GPR26: variants seen among roughly 807,000 people sequenced by gnomAD.
GPR26 encodes G protein-coupled receptor 26.
In GPR26, 15 loss-of-function variants were observed where a neutral mutation model predicts 23.1. The observed-to-expected ratio is 0.65, with a 90% CI of 0.43 to 1.00. GPR26 has a LOEUF of 1.00. Among genes scored for constraint, GPR26 ranks in the 50% least tolerant of loss-of-function variants. The pLI, the probability that GPR26 is intolerant of heterozygous loss-of-function variation, is 0.00. For missense variants in GPR26, 359 were observed against 470.5 expected (o/e 0.76, Z 2.19); for synonymous variants, 228 against 222.1 (o/e 1.03, Z -0.24).
intron 1 of GPR26, among the ~76,000 whole-genome samples, chr10:123,667,465 T>A (rs1845200060): frequency 6.6e-6 from 1 of 152,144 alleles, no homozygotes; most frequent in South Asian, 2.1e-4. Flanking sequence ...GCGGCCTCGA[T>A]GCTTAGGGAG....
Position 123,696,128 on chromosome 10 carries a change from G to A in GPR26, c.*7968G>A, listed in dbSNP as rs1262497178. On this transcript the variant is annotated 3_prime_UTR_variant, in exon 3 of 3. Transcript: ENST00000284674. ...GTTTGGTGAGGAAGCTCCTAGGAAT[G>A]CATAGATCTCTCCTTCTGCCATAGT... Among the ~76,000 whole-genome samples, 1 of 152,182 alleles carries A rather than the reference G, an allele frequency of 6.6e-6. No homozygotes were observed. Among genetic ancestry groups the A allele is most frequent in the Non-Finnish European group, 1.5e-5 (1 of 68,030 alleles).
At chr10:123,676,935 C>T (rs546799954) in intron 2 of GPR26, among the ~76,000 whole-genome samples, 108 of 152,336 alleles carry the variant, frequency 7.1e-4, no homozygotes, top group Non-Finnish European at 1.4e-3. Context: ...CCCTCTGGCA[C>T]TTACAGCACC....
rs148082247 is a variant in GPR26, at chr10:123,671,918, C to G, written c.669-2900C>G. ...AGTTTTGCAAAGCTATGGAGGGGGA[C>G]AAAATGACAGCAAGTGCAAAGTGAT... On this transcript the variant is annotated intron_variant, in intron 1 of 2. Coordinates refer to ENST00000284674, the MANE Select transcript of GPR26 (RefSeq NM_153442.4). 9.7e-3 allele frequency among the ~76,000 whole-genome samples: 1,477 copies of G among 152,212 alleles called. 15 individuals carry two copies. The highest frequency in any genetic ancestry group is 0.031 in the Middle Eastern group (9 of 294).
In GPR26 at chr10:123,666,463, C is replaced by A; in HGVS notation, c.56C>A (p.Ser19Ter). The A allele has an allele frequency of 6.4e-7, 1 of 1,551,216 alleles. No homozygotes were observed. The highest frequency in any genetic ancestry group is 8.6e-7 in the Non-Finnish European group (1 of 1,156,310). ...CTACTGGTGGGCACGATGGGCGTCT[C>A]GCTGCTGTCCAACGCGCTGGTGCTG... ...AGLLVGTMGV[S>*]LLSNALVLLC... The change falls in exon 1 of 3, where the codon TCG (serine) becomes TAG (stop). Residue 19 changes from serine to a stop codon, truncating the protein, a stop_gained. Transcript: ENST00000284674. LOFTEE classifies it high-confidence loss of function.
intron 1 of GPR26, among the ~76,000 whole-genome samples, chr10:123,667,732 A>T (rs1845204466): frequency 1.3e-5 from 2 of 151,676 alleles, no homozygotes; most frequent in Non-Finnish European, 2.9e-5. Flanking sequence ...GCTCCTGCAG[A>T]AGGAGTGTGC....
chr10:123,687,758 A>G (rs1845444008), intron 2 of GPR26, among the ~76,000 whole-genome samples, 171 bp from the exon 3 acceptor site: 1 of 152,192 alleles, frequency 6.6e-6, no homozygotes, highest in Non-Finnish European at 1.5e-5. Flanking sequence ...AATGTTCACC[A>G]TCATCATCAT....
intron 2 of GPR26, among the ~76,000 whole-genome samples, chr10:123,682,034 G>A (rs1489845071): frequency 6.6e-6 from 1 of 152,172 alleles, no homozygotes; most frequent in East Asian, 1.9e-4. Flanking sequence ...TCAGCCTTTA[G>A]GCCATGCCAC....
chr10:123,686,409 C>T (rs1292694711), intron 2 of GPR26, among the ~76,000 whole-genome samples: 1 of 152,146 alleles, frequency 6.6e-6, no homozygotes, highest in African/African-American at 2.4e-5. Flanking sequence ...CATTCAGGCT[C>T]CCAAGCATAT....
At chr10:123,675,798 C>CTGTGTG (rs57869785) in intron 2 of GPR26, among the ~76,000 whole-genome samples, 49,166 of 142,564 alleles carry the variant, frequency 0.34, 9,201 homozygotes, top group African/African-American at 0.5. Flanking sequence ...GCAGGGTTTT[C>CTGTGTG]TGTGTGTGTG....
rs1845285277 is a variant in GPR26, at chr10:123,674,542, C to A, written c.669-276C>A. 1.3e-5 allele frequency among the ~76,000 whole-genome samples: 2 copies of A among 152,200 alleles called. No individual in the cohort carries two copies. The highest frequency in any genetic ancestry group is 2.9e-5 in the Non-Finnish European group (2 of 68,042). The stretch of plus-strand genomic sequence containing the variant: ...ATCTCTGTGCTTTATGCATTTAATT[C>A]TCAAAACAGCCTCTTGTAGCATTTT... On this transcript the variant is annotated intron_variant, in intron 1 of 2. Coordinates refer to ENST00000284674, the MANE Select transcript of GPR26 (RefSeq NM_153442.4). The surrounding 1 kb of genome is among the most constrained non-coding windows in gnomAD (Gnocchi z 4.1).
Position 123,667,089 on chromosome 10 carries a change from A to C in GPR26, c.668+14A>C, listed in dbSNP as rs1422456855. 1.3e-6 allele frequency: 2 copies of C among 1,557,282 alleles called. No individual in the cohort carries two copies. Among genetic ancestry groups the C allele is most frequent in the East Asian group, 2.4e-5 (1 of 42,176 alleles). ...CCTGCACCCCAGGTGAGCCGAGCGCAGCTAAGGCTCTGGGAACAGCCGCGC... is the reference window on the plus strand; with the variant it reads ...CCTGCACCCCAGGTGAGCCGAGCGCCGCTAAGGCTCTGGGAACAGCCGCGC... On this transcript the variant is annotated intron_variant, in intron 1 of 2. Coordinates refer to ENST00000284674, the MANE Select transcript of GPR26 (RefSeq NM_153442.4).
At chr10:123,677,751 G>A (rs1177657362) in intron 2 of GPR26, among the ~76,000 whole-genome samples, 3 of 152,210 alleles carry the variant, frequency 2.0e-5, no homozygotes, top group Non-Finnish European at 1.5e-5. Flanking sequence ...GCCTTGTGAA[G>A]TGGGCCTGGC....
At chr10:123,680,840 TG>T (rs1845366156) in intron 2 of GPR26, among the ~76,000 whole-genome samples, 3 of 90,724 alleles carry the variant, frequency 3.3e-5, no homozygotes, top group Admixed American at 1.2e-4. Flanking sequence ...GGGGGGGGGT[TG>T]TTTTTTTGTT....
Position 123,675,590 on chromosome 10 carries a change from C to T in GPR26, c.782+659C>T, listed in dbSNP as rs139043956. Among the ~76,000 whole-genome samples, 834 of 152,252 alleles carry T rather than the reference C, an allele frequency of 5.5e-3. 8 individuals carry two copies. Among genetic ancestry groups the T allele is most frequent in the African/African-American group, 0.019 (800 of 41,524 alleles). ...GCCAGCTTGCTCTAACTGGAGCACTCCCCACATGTGTTAGCCAGAAAGAAG... is the reference window on the plus strand; with the variant it reads ...GCCAGCTTGCTCTAACTGGAGCACTTCCCACATGTGTTAGCCAGAAAGAAG... On this transcript the variant is annotated intron_variant, in intron 2 of 2. Coordinates refer to ENST00000284674, the MANE Select transcript of GPR26 (RefSeq NM_153442.4).
Position 123,674,808 on chromosome 10 carries a change from T to C in GPR26, c.669-10T>C. 6.3e-7 allele frequency: 1 copy of C among 1,598,536 alleles called. No homozygotes were observed. On this transcript the variant is annotated splice_polypyrimidine_tract_variant and intron_variant, in intron 1 of 2. Transcript: ENST00000284674. This position sits in a 1 kb window ranked among gnomAD's most constrained non-coding sequence, Gnocchi z 4.1. The stretch of plus-strand genomic sequence containing the variant: ...CTCGTAGTTCACCTTCTCTCCTCTC[T>C]CACATGCAGTGTGCGGGAACGCTGT...
At chr10:123,682,972 C>T (rs1393628084) in intron 2 of GPR26, among the ~76,000 whole-genome samples, 4 of 152,082 alleles carry the variant, frequency 2.6e-5, no homozygotes, top group East Asian at 3.9e-4. Context: ...GCATTTAGTA[C>T]ACAACGTATG....
rs1411178451 is a variant in GPR26, at chr10:123,692,064, A to G, written c.*3904A>G. 6.6e-6 allele frequency: 1 copy of G among 152,228 alleles called. No individual in the cohort carries two copies. Among genetic ancestry groups the G allele is most frequent in the Non-Finnish European group, 1.5e-5 (1 of 68,038 alleles). The allele number at this position is 152,228 out of a possible 1,614,324, so 9.4% of individuals were successfully genotyped here. A position where few individuals can be genotyped will look rare whatever the true frequency, so the allele number is the denominator to read the frequency against. Reference sequence around the variant, plus strand: ...TGGGCCATTTTGTTCTTGGAGGGACAAAATTGACCTCTCCATGAAATTGCA... The same window carrying G: ...TGGGCCATTTTGTTCTTGGAGGGACGAAATTGACCTCTCCATGAAATTGCA... On this transcript the variant is annotated 3_prime_UTR_variant, in exon 3 of 3. Coordinates refer to ENST00000284674, the MANE Select transcript of GPR26 (RefSeq NM_153442.4).
rs951130310 is a variant in GPR26, at chr10:123,692,265, A to G, written c.*4105A>G. The G allele has an allele frequency of 6.6e-6, 1 of 152,256 alleles. No individual in the cohort carries two copies. Among genetic ancestry groups the G allele is most frequent in the African/African-American group, 2.4e-5 (1 of 41,464 alleles). 9.4% of individuals were successfully genotyped at this position (152,256 alleles called of 1,614,324 possible). On this transcript the variant is annotated 3_prime_UTR_variant, in exon 3 of 3. Transcript: ENST00000284674. ...GGGCACTTGCTTGGGTCTTGGATCA[A>G]ACTCTACTGGGGCAGCCTGGCTGTG...
chr10:123,687,700 A>C (rs74383242), intron 2 of GPR26, among the ~76,000 whole-genome samples: 1,983 of 152,304 alleles, frequency 0.013, 28 homozygotes, highest in African/African-American at 0.046. Context: ...GCAAAACCAC[A>C]TATGGAAAGT....
Sources: allele counts gnomAD v4.1 joint callset (sites outside exome capture counted in the v4.1 genomes callset), GRCh38; gene constraint gnomAD v4.1.1; non-coding constraint Gnocchi (gnomAD v3.1); transcripts MANE v1.5; gene names NCBI Gene and HGNC (gene_info 2026-07-23, HGNC 2026-07-21).